The following VAMP8 variants were observed in gnomAD, a reference collection of about 807,000 sequenced individuals.
VAMP8 encodes vesicle-associated membrane protein 8.
In VAMP8, 9 loss-of-function variants were observed where a neutral mutation model predicts 11.4. That is an observed-to-expected ratio of 0.79 (90% CI 0.48 to 1.38). The LOEUF (loss-of-function observed/expected upper bound fraction) is 1.38. Among genes scored for constraint, VAMP8 ranks in the 40% most tolerant of loss-of-function variants. The pLI is 0.00. For synonymous variants in VAMP8, 42 were observed against 44.7 expected (o/e 0.94, Z 0.24); for missense variants, 108 against 127.8 (o/e 0.85, Z 0.75).
chr2:85,577,680 G>GT, intron 1 of VAMP8, 31 bp downstream of exon 1: 1 of 1,551,698 alleles, frequency 6.4e-7, no homozygotes, highest in Non-Finnish European at 8.7e-7. Context: ...GAAAGGGCTG[G>GT]TTTAAAGAGG....
At chr2:85,577,727 C>A in intron 1 of VAMP8, 78 bp downstream of exon 1, 1 of 1,545,616 alleles carries the variant, frequency 6.5e-7, no homozygotes, top group Non-Finnish European at 8.8e-7. Flanking sequence ...TTGGCTGTGT[C>A]GGGGGAGGAG....
chr2:85,579,982 G>A (rs552778531), intron 2 of VAMP8: 2 of 1,432,232 alleles, frequency 1.4e-6, no homozygotes, highest in East Asian at 5.0e-5. Flanking sequence ...TTTAGACAGA[G>A]CCTCACTCTG....
chr2:85,577,591 G>C lies in VAMP8; in HGVS notation c.-56G>C. 1 of 1,551,632 alleles carries C rather than the reference G, an allele frequency of 6.4e-7. No individual in the cohort carries two copies. Reference sequence around the variant, plus strand: ...CAGGAAGTGAACTGAGGGCCACCCTGGGAGGAAGCCGACTAGGCGAATTCA... The same window carrying C: ...CAGGAAGTGAACTGAGGGCCACCCTCGGAGGAAGCCGACTAGGCGAATTCA... On this transcript the variant is annotated 5_prime_UTR_variant, in exon 1 of 3. Coordinates refer to ENST00000263864, the MANE Select transcript of VAMP8 (RefSeq NM_003761.5).
At chr2:85,579,953 C>CA in intron 2 of VAMP8, 2 of 1,480,764 alleles carry the variant, frequency 1.4e-6, no homozygotes, top group South Asian at 1.4e-5. Context: ...AGCATGGCCC[C>CA]GGGAATTTTT....
At chr2:85,580,659 ATTTTTTTTTTTT>A (rs372301674) in intron 2 of VAMP8, among the ~76,000 whole-genome samples, 4 of 104,562 alleles carry the variant, frequency 3.8e-5, no homozygotes, top group African/African-American at 1.5e-4. Flanking sequence ...CAGATACAGC[ATTTTTTTTTTTT>A]TTTTTTTTTT....
Position 85,581,620 on chromosome 2 carries a change from C to T in VAMP8, c.207C>T (p.Phe69=), listed in dbSNP as rs1672380218. ...CATCGCAGAAGGTGGCTCGAAAATT[C>T]TGGTGGAAGAACGTGAAGATGATTG... is the stretch of plus-strand genomic sequence containing the variant. ...KTTSQKVARK[F]WWKNVKMIVL... The change falls in exon 3 of 3, where the codon TTC becomes TTT. Residue 69 remains phenylalanine (F), a synonymous_variant. Transcript: ENST00000263864. 6.2e-7 allele frequency: 1 copy of T among 1,614,050 alleles called. No individual in the cohort carries two copies. The highest frequency in any genetic ancestry group is 1.1e-5 in the South Asian group (1 of 91,082).
intron 2 of VAMP8, among the ~76,000 whole-genome samples, chr2:85,580,784 A>T (rs563460779): frequency 5.5e-5 from 8 of 145,216 alleles, no homozygotes; most frequent in African/African-American, 2.1e-4. Flanking sequence ...CTCCTGCCTT[A>T]GCCTCCTAAG....
At chr2:85,580,405 G>T (rs917521007) in intron 2 of VAMP8, among the ~76,000 whole-genome samples, 1 of 152,110 alleles carries the variant, frequency 6.6e-6, no homozygotes, top group Admixed American at 6.5e-5. Context: ...TCCTGGAGCT[G>T]CGAGATGTGC....
intron 2 of VAMP8, among the ~76,000 whole-genome samples, chr2:85,580,487 C>A (rs13421434): frequency 0.11 from 17,080 of 151,850 alleles, 1,016 homozygotes; most frequent in South Asian, 0.19. Flanking sequence ...CAGTGTTGTA[C>A]CCTTGGGTGT....
Position 85,581,770 on chromosome 2 carries a change from A to G in VAMP8, c.*54A>G. On this transcript the variant is annotated 3_prime_UTR_variant, in exon 3 of 3. Transcript: ENST00000263864. ...TCTCTTCAGGGACAACCCTCCATAAATGTGTGCCAAGAGGGTCTCCTTTCC... is the reference window on the plus strand; with the variant it reads ...TCTCTTCAGGGACAACCCTCCATAAGTGTGTGCCAAGAGGGTCTCCTTTCC... 1 of 1,605,950 alleles carries G rather than the reference A, an allele frequency of 6.2e-7. No individual in the cohort carries two copies. Among genetic ancestry groups the G allele is most frequent in the East Asian group, 2.2e-5 (1 of 44,796 alleles).
rs182162480 is a variant in VAMP8, at chr2:85,581,538, G to A, written c.163-38G>A. ...TCTTATAATCTTGTTCCAGTGGGAG[G>A]AGCCACTGGGTCACTCACTCTGCCT... On this transcript the variant is annotated intron_variant, in intron 2 of 2. Coordinates refer to ENST00000263864, the MANE Select transcript of VAMP8 (RefSeq NM_003761.5). 5 of 1,612,128 alleles carry A rather than the reference G, an allele frequency of 3.1e-6. No individual in the cohort carries two copies. The African/African-American group carries it at 4.0e-5, about 13-fold the overall frequency.
intron 2 of VAMP8, 125 bp from the exon 3 acceptor site, chr2:85,581,451 G>A (rs1275992896): frequency 1.5e-5 from 18 of 1,230,452 alleles, no homozygotes; most frequent in African/African-American, 1.1e-4. Context: ...CTGCCTGAGT[G>A]ACAGAGCGAG....
At position 85,579,907 on chromosome 2, in the gene VAMP8, C is replaced by T. The variant is rs979035461; in HGVS notation, c.162+740C>T. On this transcript the variant is annotated intron_variant, in intron 2 of 2. Transcript: ENST00000263864. ...TCCCTTGTCTCCCTGGGGCTCATTG[C>T]CTGTTTCTGTAGCTTAATTGTAGCT... 16 of 1,540,212 alleles carry T rather than the reference C, an allele frequency of 1.0e-5. 1 individual carries two copies. The East Asian group carries it at 3.9e-4, about 38-fold the overall frequency.
At chr2:85,579,947 T>A in intron 2 of VAMP8, 1 of 1,490,318 alleles carries the variant, frequency 6.7e-7, no homozygotes, top group East Asian at 2.5e-5. Flanking sequence ...TTGGGGAGCA[T>A]GGCCCCGGGA....
intron 2 of VAMP8, 114 bp from the exon 3 acceptor site, chr2:85,581,462 A>T: frequency 6.3e-6 from 8 of 1,268,436 alleles, no homozygotes; most frequent in Non-Finnish European, 7.5e-6. Context: ...ACAGAGCGAG[A>T]CTCCATCTCA....
intron 1 of VAMP8, 137 bp downstream of exon 1, chr2:85,577,786 T>C: frequency 8.0e-7 from 1 of 1,255,554 alleles, no homozygotes; most frequent in Non-Finnish European, 1.1e-6. Context: ...ATGGCCTCTC[T>C]TCTTTGACAA....
At chr2:85,579,951 C>A (rs1672342086) in intron 2 of VAMP8, 1 of 1,487,630 alleles carries the variant, frequency 6.7e-7, no homozygotes, top group Admixed American at 2.7e-5. Flanking sequence ...GGAGCATGGC[C>A]CCGGGAATTT....
chr2:85,579,792 CAA>C (rs1336569716), intron 2 of VAMP8: 2 of 1,550,568 alleles, frequency 1.3e-6, no homozygotes, highest in African/African-American at 2.7e-5. Context: ...CAAAGTTGAG[CAA>C]AGTCTGGAGC....
At chr2:85,579,387 G>A (rs780947233) in intron 2 of VAMP8, among the ~76,000 whole-genome samples, 1 of 152,194 alleles carries the variant, frequency 6.6e-6, no homozygotes, top group East Asian at 1.9e-4. Context: ...GGCTTGAGGT[G>A]GCAGCTCGCC....
Sources: allele counts gnomAD v4.1 joint callset (sites outside exome capture counted in the v4.1 genomes callset), GRCh38; gene constraint gnomAD v4.1.1; transcripts MANE v1.5; gene names NCBI Gene and HGNC (gene_info 2026-07-23, HGNC 2026-07-21).